The following SLC6A7 variants were observed in gnomAD, a reference collection of about 807,000 sequenced individuals.
SLC6A7 encodes sodium-dependent proline transporter.
SLC6A7 carries 58 observed loss-of-function variants against 73.1 expected under a neutral mutation model. That is an observed-to-expected ratio of 0.79 (90% CI 0.64 to 0.99). The LOEUF is 0.99. Among genes scored for constraint, SLC6A7 ranks in the 50% least tolerant of loss-of-function variants. The pLI is 0.00. For missense variants in SLC6A7, 783 were observed against 831.4 expected (o/e 0.94, Z 0.72); for synonymous variants, 338 against 338.7 (o/e 1.00, Z 0.02).
intron 1 of SLC6A7, among the ~76,000 whole-genome samples, chr5:150,191,339 A>G (rs1231634934): frequency 6.6e-6 from 1 of 151,190 alleles, no homozygotes; most frequent in Non-Finnish European, 1.5e-5. Context: ...ACACATTCAC[A>G]CTCACACTCA....
At chr5:150,197,914 G>A (rs976377351) in intron 4 of SLC6A7, among the ~76,000 whole-genome samples, 6 of 152,058 alleles carry the variant, frequency 3.9e-5, no homozygotes, top group East Asian at 3.9e-4. Context: ...CCATTATCAC[G>A]GTGCTGGGCA....
chr5:150,193,759 C>T (rs1335179866), intron 1 of SLC6A7, among the ~76,000 whole-genome samples: 4 of 152,188 alleles, frequency 2.6e-5, no homozygotes, highest in African/African-American at 9.7e-5. Context: ...GGCCACCTGC[C>T]CTTTGGACAT....
At chr5:150,204,769 C>A in intron 11 of SLC6A7, 58 bp from the exon 12 acceptor site, 1 of 1,392,220 alleles carries the variant, frequency 7.2e-7, no homozygotes, top group Non-Finnish European at 1.0e-6. Flanking sequence ...AGAGGAGGGG[C>A]TGCTGGCGTT....
chr5:150,205,662 C>T, intron 13 of SLC6A7, 39 bp downstream of exon 13: 4 of 1,554,372 alleles, frequency 2.6e-6, no homozygotes, highest in Non-Finnish European at 3.5e-6. Context: ...GCCTTCCTGA[C>T]CTGTGGCCTG....
intron 1 of SLC6A7, among the ~76,000 whole-genome samples, chr5:150,192,697 G>A (rs1234334458): frequency 6.6e-6 from 1 of 152,172 alleles, no homozygotes; most frequent in Non-Finnish European, 1.5e-5. Flanking sequence ...GGACGAGCTG[G>A]CAGCATCCTG....
intron 10 of SLC6A7, 134 bp from the exon 11 acceptor site, chr5:150,204,398 C>T: frequency 1.3e-6 from 1 of 743,060 alleles, no homozygotes; most frequent in Non-Finnish European, 2.4e-6. Context: ...AAGGGCTGGG[C>T]TGGCAGCCAG....
At position 150,209,497 on chromosome 5, in the gene SLC6A7, G is replaced by A. The variant is rs1189363675; in HGVS notation, c.1793G>A (p.Ser598Asn). 1.9e-6 allele frequency: 3 copies of A among 1,614,052 alleles called. No individual in the cohort carries two copies. The highest frequency in any genetic ancestry group is 1.7e-5 in the Admixed American group (1 of 60,018). The change falls in exon 14 of 14, where the codon AGC (serine) becomes AAC (asparagine). Residue 598 changes from serine (S) to asparagine (N), a missense_variant. Physicochemically the swap from Ser to Asn is conservative, Grantham distance 46 (BLOSUM62 1). Coordinates refer to ENST00000230671, the MANE Select transcript of SLC6A7 (RefSeq NM_014228.5). ...ATGTATGTGGCCACGCTGGCTGGGA[G>A]CCAGTCACCAAAGCCACTGATGGTG... ...TGMYVATLAG[S>N]QSPKPLMVHM...
intron 9 of SLC6A7, 25 bp from the exon 10 acceptor site, chr5:150,203,882 C>A: frequency 5.0e-6 from 8 of 1,598,868 alleles, no homozygotes; most frequent in Non-Finnish European, 6.8e-6. Context: ...AGAATTCTGA[C>A]CCCCAGCCCC....
Position 150,201,132 on chromosome 5 carries a change from T to A in SLC6A7, c.767T>A (p.Met256Lys), listed in dbSNP as rs1353025106. The change falls in exon 6 of 14, where the codon ATG (methionine) becomes AAG (lysine). Residue 256 changes from methionine to lysine, a missense_variant. By Grantham distance (95) the Met-to-Lys change is moderately conservative. Coordinates refer to ENST00000230671, the MANE Select transcript of SLC6A7 (RefSeq NM_014228.5). Reference sequence around the variant, plus strand: ...ACGTTCCCCTACCTCATCCTGCTCATGCTGCTGGTCCGCGGAGTCACCCTC... The same window carrying A: ...ACGTTCCCCTACCTCATCCTGCTCAAGCTGCTGGTCCGCGGAGTCACCCTC... ...TATFPYLILL[M>K]LLVRGVTLPG... 1 of 1,613,840 alleles carries A rather than the reference T, an allele frequency of 6.2e-7. No individual in the cohort carries two copies. Among genetic ancestry groups the A allele is most frequent in the Non-Finnish European group, 8.5e-7 (1 of 1,179,888 alleles).
chr5:150,197,230 C>A lies in SLC6A7; in HGVS notation c.538C>A (p.Pro180Thr). 1 of 1,613,480 alleles carries A rather than the reference C, an allele frequency of 6.2e-7. No individual in the cohort carries two copies. The highest frequency in any genetic ancestry group is 8.5e-7 in the Non-Finnish European group (1 of 1,179,784). The change falls in exon 4 of 14, where the codon CCC becomes ACC. Residue 180 changes from proline (P) to threonine (T), a missense_variant. Transcript: ENST00000230671. ...RVSKDGNGAL[P>T]LNLTCTVSPS... is the part of the protein sequence containing the mutation. ...CTCCAAGGACGGCAACGGGGCCCTG[C>A]CCCTCAACCTCACCTGCACCGTCAG...
intron 4 of SLC6A7, among the ~76,000 whole-genome samples, chr5:150,198,113 AAGAG>A (rs756905936): frequency 0.056 from 3,156 of 56,404 alleles, 138 homozygotes; most frequent in African/African-American, 0.1. Flanking sequence ...GAAAGAAAGA[AAGAG>A]AAAGAAAGAA....
chr5:150,209,688 C>T lies in SLC6A7; in HGVS notation c.*73C>T, dbSNP rs1753878087. 5 of 1,237,478 alleles carry T rather than the reference C, an allele frequency of 4.0e-6. No homozygotes were observed. Among genetic ancestry groups the T allele is most frequent in the South Asian group, 4.0e-5 (3 of 74,626 alleles). The allele number at this position is 1,237,478 out of a possible 1,614,324, so 76.7% of individuals were successfully genotyped here. ...CTTCTTAGAAGCCTGCAAAGGTCAG[C>T]TGTGCCCTCTGGGATTCTGAGAGGC... is the stretch of plus-strand genomic sequence containing the variant. On this transcript the variant is annotated 3_prime_UTR_variant, in exon 14 of 14. Transcript: ENST00000230671.
At chr5:150,201,862 C>T (rs761875516) in intron 6 of SLC6A7, among the ~76,000 whole-genome samples, 2 of 152,320 alleles carry the variant, frequency 1.3e-5, no homozygotes, top group Admixed American at 6.5e-5. Flanking sequence ...AACCCACCCT[C>T]CTCCCATGAA....
At chr5:150,195,075 C>A (rs1360760642) in intron 2 of SLC6A7, 164 bp downstream of exon 2, 6 of 583,426 alleles carry the variant, frequency 1.0e-5, no homozygotes, top group Non-Finnish European at 1.8e-5. Context: ...AGGAGTTTAC[C>A]CTGTCTTGTC....
At position 150,203,971 on chromosome 5, in the gene SLC6A7, A is replaced by G. The variant is rs1339201817; in HGVS notation, c.1265A>G (p.Lys422Arg). The change falls in exon 10 of 14, where the codon AAG (lysine) becomes AGG (arginine). Residue 422 changes from lysine to arginine, a missense_variant. Transcript: ENST00000230671. ...TDEFPYYLRP[K>R]KAVFSGLICV... Reference sequence around the variant, plus strand: ...GAGTTCCCATACTACCTGCGGCCCAAGAAGGCGGTGTTCTCAGGGCTCATC... The same window carrying G: ...GAGTTCCCATACTACCTGCGGCCCAGGAAGGCGGTGTTCTCAGGGCTCATC... 1 of 1,613,726 alleles carries G rather than the reference A, an allele frequency of 6.2e-7. No homozygotes were observed. The highest frequency in any genetic ancestry group is 1.3e-5 in the African/African-American group (1 of 74,828).
intron 13 of SLC6A7, among the ~76,000 whole-genome samples, chr5:150,206,241 T>C (rs1753692513): frequency 6.6e-6 from 1 of 151,744 alleles, no homozygotes; most frequent in African/African-American, 2.4e-5. Context: ...TGGTGTGGAG[T>C]CCTCCGGTGG....
rs10051673 is a variant in SLC6A7 at position 150,206,246 on chromosome 5, C to T, written c.1701+623C>T. On this transcript the variant is annotated intron_variant, in intron 13 of 13. Transcript: ENST00000230671. ...CTGCCGCCGCTGGTGTGGAGTCCTCCGGTGGCAAGAGACCATCATCATGAA... is the reference window on the plus strand; with the variant it reads ...CTGCCGCCGCTGGTGTGGAGTCCTCTGGTGGCAAGAGACCATCATCATGAA... 4.4e-3 allele frequency among the ~76,000 whole-genome samples: 670 copies of T among 152,252 alleles called. 7 individuals carry two copies. The highest frequency in any genetic ancestry group is 0.012 in the African/African-American group (495 of 41,538).
At chr5:150,200,843 G>A (rs1250324166) in intron 5 of SLC6A7, among the ~76,000 whole-genome samples, 1 of 152,154 alleles carries the variant, frequency 6.6e-6, no homozygotes, top group East Asian at 1.9e-4. Context: ...GGGAGGAGGA[G>A]GCTTTTATAA....
chr5:150,210,768 C>A lies in SLC6A7; in HGVS notation c.*1153C>A, dbSNP rs188405492. 2.3e-3 allele frequency: 346 copies of A among 152,594 alleles called. 2 individuals are homozygous for A. Among genetic ancestry groups the A allele is most frequent in the Middle Eastern group, 6.7e-3 (2 of 298 alleles). 9.5% of individuals were successfully genotyped at this position (152,594 alleles called of 1,614,324 possible). A position where few individuals can be genotyped will look rare whatever the true frequency, so the allele number is the denominator to read the frequency against. On this transcript the variant is annotated 3_prime_UTR_variant, in exon 14 of 14. Coordinates refer to ENST00000230671, the MANE Select transcript of SLC6A7 (RefSeq NM_014228.5). ...CCATGGGACTAGGAGGTGGCCCATA[C>A]ACATGGCTGGCTGGTCCTGAGGCCA...
Sources: gnomAD v4.1 joint callset for allele counts (sites outside exome capture counted in the v4.1 genomes callset) on GRCh38, gnomAD v4.1.1 for gene constraint, MANE v1.5 for transcripts, NCBI Gene and HGNC (gene_info 2026-07-23, HGNC 2026-07-21) for gene names.